DOCK8: variants seen among roughly 807,000 people sequenced by gnomAD.
DOCK8 encodes the protein dedicator of cytokinesis protein 8.
Under a neutral mutation model 245.6 loss-of-function variants are expected in DOCK8, and 141 were observed. The ratio of observed to expected loss-of-function variants is 0.57; its 90% CI spans 0.50 to 0.66. The LOEUF (loss-of-function observed/expected upper bound fraction) is 0.66, where lower values mean the gene tolerates loss of function less well. Among genes scored for constraint, DOCK8 ranks in the 30% least tolerant of loss-of-function variants. The pLI, the probability that DOCK8 is intolerant of heterozygous loss-of-function variation, is 0.00. For missense variants in DOCK8, 2,965 were observed against 2,603.4 expected, an observed-to-expected ratio of 1.14 and a Z score of -3.02; for synonymous variants, 1,168 against 970.2, an observed-to-expected ratio of 1.20 and a Z score of -3.79.
Position 382,809 on chromosome 9 carries a change from T to C in DOCK8, c.2778+124T>C. ...CCATGCTGGTCGGATGCTTTAATGC[T>C]CAGCTTTGGAGTGATTAACGTTCTT... is the stretch of plus-strand genomic sequence containing the variant. On this transcript the variant is annotated intron_variant, in intron 22 of 47. Transcript: ENST00000432829. The C allele has an allele frequency of 2.3e-6, 3 of 1,312,704 alleles. No individual in the cohort carries two copies. The South Asian group carries it at 3.8e-5, about 17-fold the overall frequency. The allele number at this position is 1,312,704 out of a possible 1,614,324, so 81.3% of individuals were successfully genotyped here.
intron 26 of DOCK8, among the ~76,000 whole-genome samples, chr9:403,879 T>TCC (rs2055235228): frequency 1.1e-5 from 1 of 90,476 alleles, no homozygotes; most frequent in Non-Finnish European, 1.9e-5. Context: ...TCTCTCTCTC[T>TCC]CTCTCTCTCT....
chr9:463,436 A>C (rs1381740708), intron 46 of DOCK8, 81 bp from the exon 47 acceptor site: 1 of 1,561,958 alleles, frequency 6.4e-7, no homozygotes, highest in Non-Finnish European at 8.8e-7. Flanking sequence ...TATTCGAAAA[A>C]TCGTAAGTAA....
chr9:405,641 T>C lies in DOCK8; in HGVS notation c.3390+568T>C, dbSNP rs976606490. ...GGAATAACTTTAAGAACATGCTGTT[T>C]GATAGTCACATTCCATTTATAGGGA... On this transcript the variant is annotated intron_variant, in intron 27 of 47. Coordinates refer to ENST00000432829, the MANE Select transcript of DOCK8 (RefSeq NM_203447.4). Among the ~76,000 whole-genome samples the C allele has an allele frequency of 3.3e-5, 5 of 152,334 alleles. No homozygotes were observed. In the South Asian group the frequency reaches 8.3e-4, roughly 25 times the overall value.
intron 4 of DOCK8, among the ~76,000 whole-genome samples, chr9:298,838 C>CTTTA (rs1334886247): frequency 6.6e-6 from 1 of 151,364 alleles, no homozygotes. Context: ...TCCTTGTAAA[C>CTTTA]CTTCGTGTCA....
At chr9:404,300 A>T (rs2055312504) in intron 26 of DOCK8, among the ~76,000 whole-genome samples, 1 of 151,624 alleles carries the variant, frequency 6.6e-6, no homozygotes, top group Non-Finnish European at 1.5e-5. Flanking sequence ...TTAAAGGAAG[A>T]TTTTTCCTAA....
At chr9:215,838 A>C in intron 1 of DOCK8, 1 of 169,664 alleles carries the variant, frequency 5.9e-6, no homozygotes, top group Non-Finnish European at 1.4e-5. Flanking sequence ...CTGACAAGTA[A>C]TTGGGACATT....
chr9:421,516 T>G (rs558390974), intron 32 of DOCK8, among the ~76,000 whole-genome samples: 1 of 152,198 alleles, frequency 6.6e-6, no homozygotes, highest in African/African-American at 2.4e-5. Context: ...ACCAGTTCCC[T>G]GAAATGGCTT....
chr9:292,652 CTTT>C (rs1298535168), intron 4 of DOCK8, among the ~76,000 whole-genome samples: 1 of 25,376 alleles, frequency 3.9e-5, no homozygotes, highest in Non-Finnish European at 8.4e-5. Flanking sequence ...TTTATAAGCA[CTTT>C]TTTGGTAAAG....
At chr9:284,467 A>T (rs990467643) in intron 2 of DOCK8, 3 of 151,988 alleles carry the variant, frequency 2.0e-5, no homozygotes, top group Non-Finnish European at 4.4e-5. Context: ...TTCTCATAGC[A>T]CCTGAAAACC....
At chr9:271,482 G>C (rs1411762871) in intron 1 of DOCK8, 145 bp from the exon 2 acceptor site, 1 of 654,082 alleles carries the variant, frequency 1.5e-6, no homozygotes, top group East Asian at 2.8e-5. Context: ...TCCACTAACA[G>C]GCCACTGAAA....
At position 301,413 on chromosome 9, in the gene DOCK8, G is replaced by A. The variant is rs944981258; in HGVS notation, c.405-3168G>A. On this transcript the variant is annotated intron_variant, in intron 4 of 47. Transcript: ENST00000432829. ...CATACTGAGTGGGCAAAAGCTGGAA[G>A]CGTTCCTCTTGAGAACTGGAACAAA... is the stretch of plus-strand genomic sequence containing the variant. 5.3e-5 allele frequency among the ~76,000 whole-genome samples: 8 copies of A among 152,316 alleles called. No individual in the cohort carries two copies. The South Asian group carries it at 1.2e-3, about 24-fold the overall frequency.
chr9:446,706 AGGAG>A, intron 44 of DOCK8, 100 bp downstream of exon 44: 1 of 1,030,388 alleles, frequency 9.7e-7, no homozygotes, highest in Admixed American at 2.0e-5. Flanking sequence ...ACTGAAAACA[AGGAG>A]GGATGCACTT....
intron 4 of DOCK8, among the ~76,000 whole-genome samples, chr9:293,791 T>C (rs1263231059): frequency 1.3e-5 from 2 of 152,256 alleles, no homozygotes; most frequent in African/African-American, 4.8e-5. Context: ...GAGGATGCAA[T>C]AGGGGTTGCT....
chr9:333,260 A>G lies in DOCK8; in HGVS notation c.1125+782A>G, dbSNP rs116649651. Among the ~76,000 whole-genome samples the G allele has an allele frequency of 4.0e-3, 604 of 152,334 alleles. 4 individuals carry two copies. The highest frequency in any genetic ancestry group is 0.014 in the African/African-American group (578 of 41,570). ...CATAGGTGTTGAGCCTATGAAAAGGATATCTTTTCTCAACAGCAATTTGCA... is the reference window on the plus strand; with the variant it reads ...CATAGGTGTTGAGCCTATGAAAAGGGTATCTTTTCTCAACAGCAATTTGCA... On this transcript the variant is annotated intron_variant, in intron 10 of 47. Transcript: ENST00000432829.
intron 15 of DOCK8, chr9:369,896 G>C: frequency 5.8e-6 from 2 of 343,350 alleles, no homozygotes; most frequent in Non-Finnish European, 1.1e-5. Flanking sequence ...CTGCTTCCTA[G>C]GCTCAAGCGA....
intron 15 of DOCK8, chr9:368,462 G>A: frequency 3.3e-6 from 2 of 604,318 alleles, no homozygotes; most frequent in Non-Finnish European, 5.9e-6. Context: ...CTCAACACGT[G>A]CGCCATGTTT....
chr9:356,617 GA>G (rs1563958890), intron 14 of DOCK8, among the ~76,000 whole-genome samples: 7 of 151,574 alleles, frequency 4.6e-5, no homozygotes. Flanking sequence ...TAAGCATCCA[GA>G]TCTTCCCCAA....
chr9:415,946 A>G (rs1375285867), intron 29 of DOCK8, among the ~76,000 whole-genome samples: 1 of 152,212 alleles, frequency 6.6e-6, no homozygotes, highest in Admixed American at 6.5e-5. Context: ...TTACGGTGAC[A>G]AGTATTTAGT....
intron 1 of DOCK8, among the ~76,000 whole-genome samples, chr9:231,427 A>G (rs112272839): frequency 0.013 from 1,935 of 152,202 alleles, 50 homozygotes; most frequent in African/African-American, 0.044. Flanking sequence ...AGTTTTTTCC[A>G]ATTCTGTGAA....
Sources: gnomAD v4.1 joint callset for allele counts (sites outside exome capture counted in the v4.1 genomes callset) on GRCh38, gnomAD v4.1.1 for gene constraint, MANE v1.5 for transcripts, NCBI Gene and HGNC (gene_info 2026-07-23, HGNC 2026-07-21) for gene names.